Variants in ERBB4 observed in about 807,000 individuals in gnomAD.
The protein encoded by ERBB4 is receptor tyrosine-protein kinase erbB-4.
In ERBB4, 42 loss-of-function variants were observed where a neutral mutation model predicts 158.0. The observed-to-expected ratio is 0.27, with a 90% CI of 0.21 to 0.34. The LOEUF is 0.34. ERBB4 is among the 10% of genes least tolerant of loss of function. ERBB4 has a pLI of 1.00. For missense variants in ERBB4, 1,333 were observed against 1,624.1 expected (o/e 0.82, Z 3.08); for synonymous variants, 583 against 558.7 (o/e 1.04, Z -0.61).
chr2:211,876,136 G>A (rs1183337767), intron 3 of ERBB4, among the ~76,000 whole-genome samples: 1 of 152,098 alleles, frequency 6.6e-6, no homozygotes, highest in Admixed American at 6.5e-5. Context: ...TTACTTCAGT[G>A]ACACATTCAA....
intron 1 of ERBB4, among the ~76,000 whole-genome samples, chr2:212,494,809 G>C (rs929088735): frequency 2.6e-5 from 4 of 152,070 alleles, no homozygotes; most frequent in Non-Finnish European, 4.4e-5. Context: ...TTAATGGCCA[G>C]CAGATGTTAA....
intron 3 of ERBB4, among the ~76,000 whole-genome samples, chr2:211,944,754 C>A (rs2080631087): frequency 6.6e-6 from 1 of 152,100 alleles, no homozygotes; most frequent in Non-Finnish European, 1.5e-5. Flanking sequence ...GGATACTTAA[C>A]ACACAAGTTG....
chr2:212,051,680 A>G (rs1179776691), intron 2 of ERBB4, among the ~76,000 whole-genome samples: 1 of 152,122 alleles, frequency 6.6e-6, no homozygotes, highest in Non-Finnish European at 1.5e-5. Flanking sequence ...TTAAACTATA[A>G]TGTGGTCACT....
At chr2:211,488,937 A>C (rs2065272359) in intron 20 of ERBB4, among the ~76,000 whole-genome samples, 1 of 152,056 alleles carries the variant, frequency 6.6e-6, no homozygotes, top group African/African-American at 2.4e-5. Context: ...TATATGGCTA[A>C]TTGTAGCTTT....
intron 1 of ERBB4, among the ~76,000 whole-genome samples, chr2:212,458,941 A>G (rs920860149): frequency 6.6e-6 from 1 of 152,202 alleles, no homozygotes; most frequent in South Asian, 2.1e-4. Context: ...TAGGCATTCA[A>G]ATAGCTGAGA....
chr2:211,911,936 G>T (rs1440859804), intron 3 of ERBB4, among the ~76,000 whole-genome samples: 2 of 151,794 alleles, frequency 1.3e-5, no homozygotes, highest in African/African-American at 4.8e-5. Flanking sequence ...TGAGGCATAA[G>T]TTTCAATCAC....
chr2:212,460,738 C>G (rs2101152), intron 1 of ERBB4, among the ~76,000 whole-genome samples: 52,656 of 151,984 alleles, frequency 0.35, 9,672 homozygotes, highest in Non-Finnish European at 0.4. Context: ...TGGACAATGC[C>G]ATAGAAAAGA....
intron 4 of ERBB4, among the ~76,000 whole-genome samples, chr2:211,773,631 T>A (rs1364808786): frequency 7.7e-5 from 7 of 91,264 alleles, no homozygotes; most frequent in African/African-American, 4.2e-4. Flanking sequence ...TATATATATA[T>A]ATATATATAT....
chr2:211,940,513 G>T (rs897865319), intron 3 of ERBB4, among the ~76,000 whole-genome samples: 9 of 152,052 alleles, frequency 5.9e-5, no homozygotes, highest in African/African-American at 2.2e-4. Context: ...GATCACAAAG[G>T]TTTAAGGTTC....
rs1035318117 is a variant in ERBB4 at position 211,381,441 on chromosome 2, C to T, written c.*2174G>A. 4.3e-6 allele frequency: 1 copy of T among 231,746 alleles called. No homozygotes were observed. Among genetic ancestry groups the T allele is most frequent in the Non-Finnish European group, 8.5e-6 (1 of 117,274 alleles). The allele number at this position is 231,746 out of a possible 1,614,324, so 14.4% of individuals were successfully genotyped here. On this transcript the variant is annotated 3_prime_UTR_variant, in exon 28 of 28. Transcript: ENST00000342788. ...TTTGAAGGATGTTTAACTTATATCC[C>T]AAATGAGTTTAAAGGAGATATCTTA...
chr2:211,766,925 A>G (rs1272686155), intron 4 of ERBB4, among the ~76,000 whole-genome samples: 2 of 152,144 alleles, frequency 1.3e-5, no homozygotes, highest in East Asian at 1.9e-4. Context: ...CTTCATTTGC[A>G]TAGGGGTGTG....
chr2:212,460,268 C>T (rs986129368), intron 1 of ERBB4, among the ~76,000 whole-genome samples: 1 of 152,122 alleles, frequency 6.6e-6, no homozygotes, highest in African/African-American at 2.4e-5. Context: ...ATGAATACAG[C>T]AAATTGGTAC....
intron 3 of ERBB4, among the ~76,000 whole-genome samples, chr2:211,877,088 G>A (rs1189027429): frequency 6.6e-6 from 1 of 152,166 alleles, no homozygotes; most frequent in Non-Finnish European, 1.5e-5. Context: ...GTAGTCATAA[G>A]TGAATGATTT....
chr2:212,397,082 T>C (rs778183421), intron 1 of ERBB4, among the ~76,000 whole-genome samples: 152 of 152,340 alleles, frequency 1.0e-3, no homozygotes, highest in Middle Eastern at 3.4e-3. Flanking sequence ...TTTACCATAC[T>C]TCTTCTATTG....
chr2:212,001,801 T>C (rs16847473), intron 2 of ERBB4, among the ~76,000 whole-genome samples: 11,120 of 152,218 alleles, frequency 0.073, 472 homozygotes, highest in African/African-American at 0.12. Flanking sequence ...TATGTACAAA[T>C]TGCTTTATCC....
chr2:211,905,648 ATAT>A (rs2079361276), intron 3 of ERBB4, among the ~76,000 whole-genome samples: 1 of 3,738 alleles, frequency 2.7e-4, no homozygotes, highest in African/African-American at 1.0e-3. Context: ...AGGAAGGATC[ATAT>A]ATATATATAT....
chr2:212,257,980 T>A (rs940890045), intron 1 of ERBB4, among the ~76,000 whole-genome samples: 6 of 152,132 alleles, frequency 3.9e-5, no homozygotes, highest in African/African-American at 1.4e-4. Context: ...CAGCTCTCAA[T>A]TCATCCTGTT....
At chr2:211,385,636 A>G (rs1365477202) in intron 27 of ERBB4, among the ~76,000 whole-genome samples, 1 of 152,204 alleles carries the variant, frequency 6.6e-6, no homozygotes, top group Non-Finnish European at 1.5e-5. Flanking sequence ...AGGTTAGACT[A>G]TAGCAACCTT....
chr2:212,001,740 T>C (rs747819723), intron 2 of ERBB4, among the ~76,000 whole-genome samples: 3 of 152,112 alleles, frequency 2.0e-5, no homozygotes, highest in Non-Finnish European at 4.4e-5. Flanking sequence ...AAAGATGAAA[T>C]AGCATCTCTT....
Sources: allele counts gnomAD v4.1 joint callset (sites outside exome capture counted in the v4.1 genomes callset), GRCh38; gene constraint gnomAD v4.1.1; transcripts MANE v1.5; gene names NCBI Gene and HGNC (gene_info 2026-07-23, HGNC 2026-07-21).